ASS1: variants seen among roughly 807,000 people sequenced by gnomAD.
ASS1 encodes argininosuccinate synthase.
In ASS1, 58 loss-of-function variants were observed where a neutral mutation model predicts 60.5. That is an observed-to-expected ratio of 0.96 (90% CI 0.78 to 1.19). ASS1 has a LOEUF of 1.19. Ranked by LOEUF, ASS1 falls within the 50% of genes most tolerant of loss-of-function variation. The pLI is 0.00. For synonymous variants in ASS1, 200 were observed against 206.9 expected, an observed-to-expected ratio of 0.97 and a Z score of 0.29; for missense variants, 454 against 547.3, an observed-to-expected ratio of 0.83 and a Z score of 1.70.
At chr9:130,449,356 A>AG (rs1845273664) in intron 1 of ASS1, among the ~76,000 whole-genome samples, 1 of 151,240 alleles carries the variant, frequency 6.6e-6, no homozygotes, top group Admixed American at 6.6e-5. Context: ...AAAAAAAAAA[A>AG]AAAAAAAGGA....
At chr9:130,458,305 C>A in intron 3 of ASS1, 96 bp from the exon 4 acceptor site, 2 of 1,461,432 alleles carry the variant, frequency 1.4e-6, no homozygotes, top group South Asian at 2.3e-5. Context: ...GGGGTGGCCC[C>A]GTATAGGTCT....
At chr9:130,493,898 C>T (rs1165609354) in intron 12 of ASS1, among the ~76,000 whole-genome samples, 2 of 152,108 alleles carry the variant, frequency 1.3e-5, no homozygotes, top group East Asian at 3.9e-4. Flanking sequence ...GTTTCTCAGG[C>T]ACCTCCTGCC....
intron 1 of ASS1, among the ~76,000 whole-genome samples, chr9:130,445,795 G>A (rs565895926): frequency 6.6e-6 from 1 of 152,274 alleles, no homozygotes; most frequent in East Asian, 1.9e-4. Flanking sequence ...CCTGGCCTCA[G>A]TATTCTTCTC....
intron 4 of ASS1, among the ~76,000 whole-genome samples, chr9:130,458,901 C>T (rs537332082): frequency 9.2e-5 from 14 of 152,336 alleles, no homozygotes; most frequent in South Asian, 6.2e-4. Flanking sequence ...AAGGTCACTG[C>T]GTGAGTCCCC....
chr9:130,494,831 G>A lies in ASS1; in HGVS notation c.971-36G>A, dbSNP rs1846539498. 1 of 1,612,904 alleles carries A rather than the reference G, an allele frequency of 6.2e-7. No homozygotes were observed. The highest frequency in any genetic ancestry group is 1.1e-5 in the South Asian group (1 of 91,038). The stretch of plus-strand genomic sequence containing the variant: ...CTCCCTGTGTCCTCGCGGTGCAGGA[G>A]GCCTCCCTAGTGGTATCCTGTTTTC... On this transcript the variant is annotated intron_variant, in intron 12 of 14. Transcript: ENST00000352480. The surrounding 1 kb of genome is among the most constrained non-coding windows in gnomAD (Gnocchi z 4.3).
chr9:130,495,186 A>G (rs963270544), intron 13 of ASS1, among the ~76,000 whole-genome samples, 163 bp downstream of exon 13: 3 of 152,160 alleles, frequency 2.0e-5, no homozygotes, highest in African/African-American at 4.8e-5. Context: ...TGGAACTTAC[A>G]GGCTAGCTGG....
In ASS1 at chr9:130,477,080, AG is replaced by A; in HGVS notation, c.688+120del. On this transcript the variant is annotated intron_variant, in intron 9 of 14. Transcript: ENST00000352480. This position sits in a 1 kb window ranked among gnomAD's most constrained non-coding sequence, Gnocchi z 4.2. ...CCCGCCCTGCATTCCTGGAAGCTAGAGTTCAGGCAGGGGCTTCAAGGTAACG... is the reference window on the plus strand; with the variant it reads ...CCCGCCCTGCATTCCTGGAAGCTAGATTCAGGCAGGGGCTTCAAGGTAACG... 1 of 1,094,790 alleles carries A rather than the reference AG, an allele frequency of 9.1e-7. No homozygotes were observed. The highest frequency in any genetic ancestry group is 1.4e-6 in the Non-Finnish European group (1 of 733,194). The allele number at this position is 1,094,790 out of a possible 1,614,324, so 67.8% of individuals were successfully genotyped here.
chr9:130,467,577 C>T (rs781629151), intron 6 of ASS1, among the ~76,000 whole-genome samples: 1 of 152,146 alleles, frequency 6.6e-6, no homozygotes, highest in Non-Finnish European at 1.5e-5. Context: ...CTGCCCCCGC[C>T]GCCAGCAACC....
In ASS1 at chr9:130,489,271, G is replaced by A; in HGVS notation, c.839-62G>A. The A allele has an allele frequency of 1.3e-6, 2 of 1,597,010 alleles. No individual in the cohort carries two copies. Among genetic ancestry groups the A allele is most frequent in the South Asian group, 2.2e-5 (2 of 90,480 alleles). ...TTTTTTTTTTTGTCATTTGCTGACA[G>A]TTTGGGTTTCATGCGTTTCTCTCTT... On this transcript the variant is annotated intron_variant, in intron 11 of 14. Coordinates refer to ENST00000352480, the MANE Select transcript of ASS1 (RefSeq NM_054012.4). The surrounding 1 kb of genome is among the most constrained non-coding windows in gnomAD (Gnocchi z 4.1).
rs992500563 is a variant in ASS1, at chr9:130,494,351, T to C, written c.971-516T>C. Among the ~76,000 whole-genome samples the C allele has an allele frequency of 3.3e-5, 5 of 152,126 alleles. No homozygotes were observed. Among genetic ancestry groups the C allele is most frequent in the Admixed American group, 6.5e-5 (1 of 15,272 alleles). ...TACTGTGACATCCCCACTCAACAGA[T>C]GGGGAAACAGAGGCACAGAGAGGGG... On this transcript the variant is annotated intron_variant, in intron 12 of 14. Transcript: ENST00000352480. This position sits in a 1 kb window ranked among gnomAD's most constrained non-coding sequence, Gnocchi z 4.3.
At position 130,491,983 on chromosome 9, in the gene ASS1, G is replaced by C. The variant is rs920207232; in HGVS notation, c.970+2519G>C. Reference sequence around the variant, plus strand: ...CATGGTATAGACCAGGGCTTTGCCTGATCATGTTACTTAACTTCCCTAGGC... The same window carrying C: ...CATGGTATAGACCAGGGCTTTGCCTCATCATGTTACTTAACTTCCCTAGGC... On this transcript the variant is annotated intron_variant, in intron 12 of 14. Coordinates refer to ENST00000352480, the MANE Select transcript of ASS1 (RefSeq NM_054012.4). The surrounding 1 kb of genome is among the most constrained non-coding windows in gnomAD (Gnocchi z 5.3). Among the ~76,000 whole-genome samples, 4 of 152,168 alleles carry C rather than the reference G, an allele frequency of 2.6e-5. No homozygotes were observed. Among genetic ancestry groups the C allele is most frequent in the Admixed American group, 6.5e-5 (1 of 15,284 alleles).
chr9:130,454,172 C>T, intron 2 of ASS1, 133 bp from the exon 3 acceptor site: 1 of 916,546 alleles, frequency 1.1e-6, no homozygotes, highest in Non-Finnish European at 1.7e-6. Flanking sequence ...TGTCCTTTTT[C>T]CTTCTTACTG....
At position 130,489,384 on chromosome 9, in the gene ASS1, T is replaced by C. The variant is rs1257594301; in HGVS notation, c.890T>C (p.Ile297Thr). 2 of 1,613,918 alleles carry C rather than the reference T, an allele frequency of 1.2e-6. No homozygotes were observed. The highest frequency in any genetic ancestry group is 3.3e-5 in the Admixed American group (2 of 59,990). The change falls in exon 12 of 15, where the codon ATC becomes ACC. Residue 297 changes from isoleucine (I) to threonine (T), a missense_variant. Transcript: ENST00000352480. The surrounding 1 kb of genome is among the most constrained non-coding windows in gnomAD (Gnocchi z 4.1). ...ATCCTTTACCATGCTCATTTAGACA[T>C]CGAGGCCTTCACCATGGACCGGGAA... Reference protein sequence around the residue: ...GTILYHAHLDIEAFTMDREVR... With the variant: ...GTILYHAHLDTEAFTMDREVR...
intron 12 of ASS1, among the ~76,000 whole-genome samples, chr9:130,490,947 G>T (rs1373426303): frequency 6.6e-6 from 1 of 152,120 alleles, no homozygotes; most frequent in Non-Finnish European, 1.5e-5. Flanking sequence ...TCACATCTTC[G>T]GGGGCCTGGA....
At chr9:130,464,279 G>T (rs1033476984) in intron 5 of ASS1, 112 bp downstream of exon 5, 33 of 1,340,124 alleles carry the variant, frequency 2.5e-5, no homozygotes, top group Non-Finnish European at 3.3e-5. Flanking sequence ...AATCTCCTCC[G>T]TGGCAGGGGT....
intron 3 of ASS1, among the ~76,000 whole-genome samples, chr9:130,456,688 G>C (rs752316614): frequency 1.3e-5 from 2 of 151,998 alleles, no homozygotes; most frequent in Non-Finnish European, 2.9e-5. Flanking sequence ...GGTGGCTCAC[G>C]CTTGTAATCC....
At chr9:130,466,943 T>A in intron 6 of ASS1, 144 bp downstream of exon 6, 2 of 964,316 alleles carry the variant, frequency 2.1e-6, no homozygotes, top group Non-Finnish European at 3.2e-6. Flanking sequence ...CCCAGCTGCC[T>A]ACACACGTGG....
chr9:130,458,685 CG>C, intron 4 of ASS1, 96 bp downstream of exon 4: 2 of 1,490,610 alleles, frequency 1.3e-6, no homozygotes, highest in African/African-American at 2.8e-5. Context: ...GGTGTGCCTC[CG>C]GGGCAGACTT....
chr9:130,464,864 A>G (rs1845688798), intron 5 of ASS1, among the ~76,000 whole-genome samples: 1 of 151,694 alleles, frequency 6.6e-6, no homozygotes, highest in African/African-American at 2.4e-5. Flanking sequence ...TCCAGTGTCT[A>G]CTGAGCACCC....
Sources: gnomAD v4.1 joint callset for allele counts (sites outside exome capture counted in the v4.1 genomes callset) on GRCh38, gnomAD v4.1.1 for gene constraint, Gnocchi (gnomAD v3.1) non-coding constraint, MANE v1.5 for transcripts, NCBI Gene and HGNC (gene_info 2026-07-23, HGNC 2026-07-21) for gene names.